The following SYT12 variants were observed in gnomAD, a reference collection of about 807,000 sequenced individuals.
SYT12 encodes synaptotagmin-12.
In SYT12, 27 loss-of-function variants were observed where a neutral mutation model predicts 39.5. The observed-to-expected ratio is 0.68, with a 90% CI of 0.50 to 0.94. The LOEUF (loss-of-function observed/expected upper bound fraction) is 0.94. SYT12 is among the 40% of genes least tolerant of loss of function. SYT12 has a pLI of 0.00. For missense variants in SYT12, 536 were observed against 572.6 expected (o/e 0.94, Z 0.65); for synonymous variants, 233 against 239.7 (o/e 0.97, Z 0.26).
At chr11:67,042,091 A>T (rs1035743569) in intron 4 of SYT12, among the ~76,000 whole-genome samples, 6 of 152,200 alleles carry the variant, frequency 3.9e-5, no homozygotes, top group Admixed American at 3.9e-4. Flanking sequence ...GATTAGGAGC[A>T]GGACCCTGGA....
At chr11:67,043,510 T>G (rs1393741980) in intron 4 of SYT12, 128 bp from the exon 5 acceptor site, 8 of 837,636 alleles carry the variant, frequency 9.6e-6, no homozygotes, top group African/African-American at 1.7e-5. Flanking sequence ...AAGGAAAGAT[T>G]GGCATTGAGG....
chr11:67,047,087 C>T (rs1174466064), intron 7 of SYT12, among the ~76,000 whole-genome samples: 1 of 151,896 alleles, frequency 6.6e-6, no homozygotes, highest in African/African-American at 2.4e-5. Flanking sequence ...GCCTCAGCTT[C>T]CTGAGTAGCT....
chr11:67,026,841 G>C (rs1950187847), intron 1 of SYT12: 1 of 152,208 alleles, frequency 6.6e-6, no homozygotes, highest in Admixed American at 6.5e-5. Context: ...AAACACATCT[G>C]TAGGCTGGCA....
At chr11:67,033,485 G>T (rs1396701959) in intron 2 of SYT12, among the ~76,000 whole-genome samples, 4 of 152,190 alleles carry the variant, frequency 2.6e-5, no homozygotes, top group Non-Finnish European at 5.9e-5. Context: ...TCAATCTCAT[G>T]CCCTGAGGTG....
intron 5 of SYT12, among the ~76,000 whole-genome samples, 182 bp downstream of exon 5, chr11:67,044,035 C>T (rs1950563773): frequency 6.6e-6 from 1 of 152,208 alleles, no homozygotes; most frequent in South Asian, 2.1e-4. Context: ...ATTTCAAAAA[C>T]ATCCCGACCA....
chr11:67,049,015 C>A lies in SYT12; in HGVS notation c.*258C>A. The A allele has an allele frequency of 2.5e-6, 1 of 397,934 alleles. No individual in the cohort carries two copies. Among genetic ancestry groups the A allele is most frequent in the Non-Finnish European group, 4.5e-6 (1 of 220,622 alleles). 24.7% of individuals were successfully genotyped at this position (397,934 alleles called of 1,614,324 possible). A position where few individuals can be genotyped will look rare whatever the true frequency, so the allele number is the denominator to read the frequency against. Reference sequence around the variant, plus strand: ...GACAGAGGACTCAACCCTGCTCCTCCCGGTAGGCCAGCTGCCGAGCTGGGC... The same window carrying A: ...GACAGAGGACTCAACCCTGCTCCTCACGGTAGGCCAGCTGCCGAGCTGGGC... On this transcript the variant is annotated 3_prime_UTR_variant, in exon 8 of 8. Coordinates refer to ENST00000527043, the MANE Select transcript of SYT12 (RefSeq NM_177963.4).
At chr11:67,035,790 T>TTCC (rs1555066136) in intron 3 of SYT12, among the ~76,000 whole-genome samples, 5 of 73,224 alleles carry the variant, frequency 6.8e-5, no homozygotes, top group Admixed American at 1.6e-4. Flanking sequence ...TTTTCTTTTC[T>TTCC]TTCCTTCCTT....
chr11:67,045,651 T>C lies in SYT12; in HGVS notation c.959-93T>C, dbSNP rs560396960. ...AGGAGGTCACAGCAACAGTTAAGCA[T>C]TGGGGAGTTTGGAGTCGGTGGGTGG... On this transcript the variant is annotated intron_variant, in intron 6 of 7. Transcript: ENST00000527043. 38 of 1,525,482 alleles carry C rather than the reference T, an allele frequency of 2.5e-5. No individual in the cohort carries two copies. The African/African-American group carries it at 3.6e-4, about 14-fold the overall frequency. The allele number at this position is 1,525,482 out of a possible 1,614,324, so 94.5% of individuals were successfully genotyped here.
intron 3 of SYT12, among the ~76,000 whole-genome samples, 183 bp downstream of exon 3, chr11:67,035,021 T>A (rs2136217035): frequency 6.7e-6 from 1 of 149,770 alleles, no homozygotes; most frequent in South Asian, 2.1e-4. Context: ...TTTTTTTTTT[T>A]TTTTTGAGAT....
upstream of SYT12, among the ~76,000 whole-genome samples, chr11:67,019,246 G>T (rs569777839): frequency 2.0e-5 from 3 of 152,156 alleles, no homozygotes; most frequent in Non-Finnish European, 4.4e-5. Flanking sequence ...GCTGAGGTGG[G>T]TAGATCACCT....
upstream of SYT12, among the ~76,000 whole-genome samples, chr11:67,018,146 C>T (rs1950073813): frequency 6.6e-6 from 1 of 151,790 alleles, no homozygotes; most frequent in African/African-American, 2.4e-5. Flanking sequence ...GCCTGTAATC[C>T]CAACTACTTG....
At chr11:67,030,211 C>G in intron 2 of SYT12, 33 bp downstream of exon 2, 2 of 1,613,276 alleles carry the variant, frequency 1.2e-6, no homozygotes, top group Non-Finnish European at 1.7e-6. Context: ...TCCTGGATCA[C>G]GCCTGCGAGA....
chr11:67,043,768 CG>C lies in SYT12; in HGVS notation c.757del (p.Val253TrpfsTer4). On this transcript the variant is annotated frameshift_variant, in exon 5 of 8. Transcript: ENST00000527043. LOFTEE classifies it high-confidence loss of function. Reference sequence around the variant, plus strand: ...GATGAGGATGAGCGCAACGTCAGCACGGGGGTGGTGGAGCTGAAGCTTTCTG... The same window carrying C: ...GATGAGGATGAGCGCAACGTCAGCACGGGGTGGTGGAGCTGAAGCTTTCTG... Reference protein sequence around the residue: ...GIDEDERNVSTGVVELKLSVL... With the variant: ...GIDEDERNVSXGVVELKLSVL... 2 of 1,614,108 alleles carry C rather than the reference CG, an allele frequency of 1.2e-6. No homozygotes were observed. The highest frequency in any genetic ancestry group is 1.7e-6 in the Non-Finnish European group (2 of 1,180,034).
At chr11:67,044,381 T>G (rs979489971) in intron 5 of SYT12, among the ~76,000 whole-genome samples, 20 of 151,306 alleles carry the variant, frequency 1.3e-4, no homozygotes, top group Admixed American at 7.2e-4. Context: ...AAGGGAGGAG[T>G]GGGGCATGCT....
chr11:67,040,974 A>G (rs1464057712), intron 4 of SYT12, among the ~76,000 whole-genome samples: 2 of 152,096 alleles, frequency 1.3e-5, no homozygotes, highest in African/African-American at 2.4e-5. Flanking sequence ...CCTAGGCAAC[A>G]TGGCAAAACT....
Position 67,035,142 on chromosome 11 carries a change from TG to T in SYT12, c.228+307del, listed in dbSNP as rs1950335161. Among the ~76,000 whole-genome samples the T allele has an allele frequency of 5.9e-5, 9 of 151,540 alleles. No individual in the cohort carries two copies. In the South Asian group the frequency reaches 1.7e-3, roughly 28 times the overall value. On this transcript the variant is annotated intron_variant, in intron 3 of 7. Coordinates refer to ENST00000527043, the MANE Select transcript of SYT12 (RefSeq NM_177963.4). ...ATCCTGCTTCAGCTTCCCAAGTAGC[TG>T]GGATTATAAGCGTGCACCACCATGC...
At position 67,007,124 on chromosome 11, in the gene SYT12, G is replaced by A. The variant is rs1377707816; in HGVS notation, c.-816G>A. 5.2e-5 allele frequency: 8 copies of A among 152,530 alleles called. No individual in the cohort carries two copies. The East Asian group carries it at 5.8e-4, about 11-fold the overall frequency. The allele number at this position is 152,530 out of a possible 1,614,324, so 9.4% of individuals were successfully genotyped here. A position where few individuals can be genotyped will look rare whatever the true frequency, so the allele number is the denominator to read the frequency against. ...TGGGGTTAAGGGCGCCTGAACACCT[G>A]GGAGGCAAGTTGAGGCCAAGACCTG... On this transcript the variant is annotated 5_prime_UTR_variant, in exon 1 of 11. Transcript: ENST00000393946.
rs999804058 is a variant in SYT12 at position 67,011,912 on chromosome 11, C to T, written c.-69+918C>T. Among the ~76,000 whole-genome samples the T allele has an allele frequency of 2.6e-5, 4 of 151,668 alleles. No homozygotes were observed. The East Asian group carries it at 7.9e-4, about 30-fold the overall frequency. ...TCCCGAGTAGGTGGGATTAATGGCGCCCACCACCACGTCCGGCTAATTTTT... is the reference window on the plus strand; with the variant it reads ...TCCCGAGTAGGTGGGATTAATGGCGTCCACCACCACGTCCGGCTAATTTTT... On this transcript the variant is annotated intron_variant, in intron 3 of 10. Transcript: ENST00000393946.
At chr11:67,019,896 C>CAAA (rs71461631), upstream of SYT12, among the ~76,000 whole-genome samples, 4 of 116,664 alleles carry the variant, frequency 3.4e-5, no homozygotes, top group Admixed American at 9.2e-5. Flanking sequence ...GACCCTGTCT[C>CAAA]AAAAAAAAAA....
Sources: allele counts gnomAD v4.1 joint callset (sites outside exome capture counted in the v4.1 genomes callset), GRCh38; gene constraint gnomAD v4.1.1; transcripts MANE v1.5; gene names NCBI Gene and HGNC (gene_info 2026-07-23, HGNC 2026-07-21).